Variants in EIF2AK1 observed in about 807,000 individuals in gnomAD.
EIF2AK1 encodes eukaryotic translation initiation factor 2-alpha kinase 1.
In EIF2AK1, 54 loss-of-function variants were observed where a neutral mutation model predicts 77.9. The ratio of observed to expected loss-of-function variants is 0.69; its 90% confidence interval spans 0.56 to 0.87. The LOEUF (loss-of-function observed/expected upper bound fraction) is 0.87, where lower values mean the gene tolerates loss of function less well. Among genes scored for constraint, EIF2AK1 ranks in the 40% least tolerant of loss-of-function variants. EIF2AK1 has a pLI of 0.00. For synonymous variants in EIF2AK1, 314 were observed against 290.5 expected (o/e 1.08, Z -0.82); for missense variants, 810 against 768.6 (o/e 1.05, Z -0.64).
chr7:6,043,394 T>C (rs1788350895), intron 7 of EIF2AK1, among the ~76,000 whole-genome samples: 3 of 151,986 alleles, frequency 2.0e-5, no homozygotes, highest in African/African-American at 4.8e-5. Flanking sequence ...ATGCACAATA[T>C]AGTGAGATTC....
rs770358433 is a variant in EIF2AK1, at chr7:6,046,132, C to A, written c.569G>T (p.Gly190Val). 6.4e-7 allele frequency: 1 copy of A among 1,559,596 alleles called. No homozygotes were observed. The highest frequency in any genetic ancestry group is 8.7e-7 in the Non-Finnish European group (1 of 1,153,408). ...RVYKVRNKLD[G>V]QYYAIKKILI... The stretch of plus-strand genomic sequence containing the variant: ...GATTTTTTTTATTGCATAATACTGA[C>A]CATCTAATTTATTCCTGACCTGAAA... Residue 190 changes from glycine (G) to valine (V), a missense_variant, in exon 6 of 15, where the codon GGT becomes GTT. Transcript: ENST00000199389.
Position 6,040,923 on chromosome 7 carries a change from TC to T in EIF2AK1, c.1087del (p.Glu363LysfsTer16), listed in dbSNP as rs1405456254. ...CTGACCCAAAAAGTTGACATTTTCT[TC>T]GGAAGATTCTTCGGTGGATGTGAAA... ...ESFTSTEESSEENVNFLGQTE... is the reference protein window; with the variant it reads ...ESFTSTEESSXENVNFLGQTE... On this transcript the variant is annotated frameshift_variant, in exon 9 of 15. Coordinates refer to ENST00000199389, the MANE Select transcript of EIF2AK1 (RefSeq NM_014413.4). LOFTEE classifies it high-confidence loss of function. 1 of 1,613,942 alleles carries T rather than the reference TC, an allele frequency of 6.2e-7. No homozygotes were observed. The highest frequency in any genetic ancestry group is 8.5e-7 in the Non-Finnish European group (1 of 1,180,004).
chr7:6,041,502 G>A (rs544570528), intron 8 of EIF2AK1, among the ~76,000 whole-genome samples: 36 of 150,562 alleles, frequency 2.4e-4, no homozygotes, highest in African/African-American at 8.3e-4. Context: ...TCATGCCACT[G>A]TACTCCAGCC....
chr7:6,026,443 G>A (rs1016049737), intron 14 of EIF2AK1: 12 of 593,348 alleles, frequency 2.0e-5, no homozygotes, highest in South Asian at 4.6e-5. Flanking sequence ...ACCGGCCTTC[G>A]CTGTGGGGTT....
rs1331148396 is a variant in EIF2AK1 at position 6,037,292 on chromosome 7, T to C, written c.1332+132A>G. The C allele has an allele frequency of 1.1e-5, 7 of 656,646 alleles. No homozygotes were observed. In the East Asian group the frequency reaches 1.5e-4, roughly 14 times the overall value. 40.7% of individuals were successfully genotyped at this position (656,646 alleles called of 1,614,324 possible). ...TCTGGATCTATCGAACAATGACTTA[T>C]CTGACAGTAATTATAACCTCCTAAG... is the stretch of plus-strand genomic sequence containing the variant. On this transcript the variant is annotated intron_variant, in intron 11 of 14. Coordinates refer to ENST00000199389, the MANE Select transcript of EIF2AK1 (RefSeq NM_014413.4).
intron 2 of EIF2AK1, among the ~76,000 whole-genome samples, chr7:6,050,888 C>T (rs561698949): frequency 3.3e-5 from 5 of 152,218 alleles, no homozygotes; most frequent in Admixed American, 1.3e-4. Flanking sequence ...CAGGCATGAG[C>T]CACTGCACCC....
chr7:6,024,697 G>T lies in EIF2AK1; in HGVS notation c.1869C>A (p.Asp623Glu). 1 of 1,612,822 alleles carries T rather than the reference G, an allele frequency of 6.2e-7. No individual in the cohort carries two copies. The highest frequency in any genetic ancestry group is 1.1e-5 in the South Asian group (1 of 90,880). The stretch of plus-strand genomic sequence containing the variant: ...TTCATCCCACGCCCCCATCCTTTCC[G>T]TCATCCCTCACCCCTTTGTCTTGAG... ...LLSQDKGVRD[D>E]GKDGGVG The change falls in exon 15 of 15, where the codon GAC becomes GAA. Residue 623 changes from aspartate (D) to glutamate (E), a missense_variant. Coordinates refer to ENST00000199389, the MANE Select transcript of EIF2AK1 (RefSeq NM_014413.4).
chr7:6,024,344 CGAG>C lies in EIF2AK1; in HGVS notation c.*326_*328del. The C allele has an allele frequency of 2.5e-6, 3 of 1,221,690 alleles. No individual in the cohort carries two copies. Among genetic ancestry groups the C allele is most frequent in the Non-Finnish European group, 3.1e-6 (3 of 969,424 alleles). 75.7% of individuals were successfully genotyped at this position (1,221,690 alleles called of 1,614,324 possible). A position where few individuals can be genotyped will look rare whatever the true frequency, so the allele number is the denominator to read the frequency against. ...GTGCAGGCCCGGGCTTGGGCAGTGA[CGAG>C]GGCAGGGAGCACACATCAATTTCTG... is the stretch of plus-strand genomic sequence containing the variant. On this transcript the variant is annotated 3_prime_UTR_variant, in exon 15 of 15. Transcript: ENST00000199389.
rs1220045815 is a variant in EIF2AK1 at position 6,027,961 on chromosome 7, G to T, written c.1530+654C>A. On this transcript the variant is annotated intron_variant, in intron 13 of 14. Transcript: ENST00000199389. The surrounding 1 kb of genome is among the most constrained non-coding windows in gnomAD (Gnocchi z 4.5). ...TCTTGAAGTCACAGTTACATGGGAG[G>T]CTGAGGTGGGAGGATCACTTGAGCC... The T allele has an allele frequency of 2.2e-6, 1 of 454,102 alleles. No homozygotes were observed. Among genetic ancestry groups the T allele is most frequent in the Non-Finnish European group, 4.4e-6 (1 of 226,072 alleles). 28.1% of individuals were successfully genotyped at this position (454,102 alleles called of 1,614,324 possible).
chr7:6,035,881 G>A lies in EIF2AK1; in HGVS notation c.1332+1543C>T, dbSNP rs530109177. ...GTGTGCACTGCATCAAGCAAAGCAG[G>A]CCGACTCCTCGGGGCGGGGGTCAGC... is the stretch of plus-strand genomic sequence containing the variant. On this transcript the variant is annotated intron_variant, in intron 11 of 14. Transcript: ENST00000199389. This position sits in a 1 kb window ranked among gnomAD's most constrained non-coding sequence, Gnocchi z 5.5. The A allele has an allele frequency of 1.9e-5, 30 of 1,546,906 alleles. No individual in the cohort carries two copies. The African/African-American group carries it at 4.1e-4, about 21-fold the overall frequency.
rs1018113666 is a variant in EIF2AK1 at position 6,058,951 on chromosome 7, G to A, written c.118+15C>T. ...AGAGAGAGCAGAGCGGCGACGCCGC[G>A]ATCCGATCCCTCACCGTCATATTCG... is the stretch of plus-strand genomic sequence containing the variant. On this transcript the variant is annotated intron_variant, in intron 1 of 14. Transcript: ENST00000199389. The A allele has an allele frequency of 4.0e-6, 6 of 1,514,530 alleles. No homozygotes were observed. Among genetic ancestry groups the A allele is most frequent in the Admixed American group, 2.2e-5 (1 of 45,706 alleles). 93.8% of individuals were successfully genotyped at this position (1,514,530 alleles called of 1,614,324 possible). A position where few individuals can be genotyped will look rare whatever the true frequency, so the allele number is the denominator to read the frequency against.
intron 11 of EIF2AK1, among the ~76,000 whole-genome samples, chr7:6,034,244 T>G (rs1194982945): frequency 6.6e-6 from 1 of 151,992 alleles, no homozygotes; most frequent in Non-Finnish European, 1.5e-5. Flanking sequence ...GAGGCAGCAG[T>G]TGCAGTGAGC....
At chr7:6,050,608 T>A (rs1788582217) in intron 2 of EIF2AK1, among the ~76,000 whole-genome samples, 1 of 150,408 alleles carries the variant, frequency 6.6e-6, no homozygotes, top group African/African-American at 2.4e-5. Context: ...TTCTCTTTTT[T>A]TTTTTTTTTT....
rs530864270 is a variant in EIF2AK1 at position 6,044,235 on chromosome 7, C to T, written c.730+327G>A. 7.4e-4 allele frequency among the ~76,000 whole-genome samples: 112 copies of T among 152,034 alleles called. 1 individual carries two copies. Among genetic ancestry groups the T allele is most frequent in the African/African-American group, 2.5e-3 (102 of 41,480 alleles). On this transcript the variant is annotated intron_variant, in intron 7 of 14. Transcript: ENST00000199389. ...ATCTCAGCACTTTGGGAGGCCGAGGCGGGCGAATCACGAGGTCAGGAGATC... is the reference window on the plus strand; with the variant it reads ...ATCTCAGCACTTTGGGAGGCCGAGGTGGGCGAATCACGAGGTCAGGAGATC...
rs528304867 is a variant in EIF2AK1, at chr7:6,035,388, C to A, written c.1332+2036G>T. ...TGGCTTCTTAAGCATTAACTGTCCA[C>A]GTAGAGCCGTTCCCACTGTGAATTC... On this transcript the variant is annotated intron_variant, in intron 11 of 14. Transcript: ENST00000199389. The surrounding 1 kb of genome is among the most constrained non-coding windows in gnomAD (Gnocchi z 5.5). 6.8e-7 allele frequency: 1 copy of A among 1,464,658 alleles called. No homozygotes were observed. 90.7% of individuals were successfully genotyped at this position (1,464,658 alleles called of 1,614,324 possible).
chr7:6,051,438 A>AT (rs1441067503), intron 2 of EIF2AK1, among the ~76,000 whole-genome samples: 2 of 150,604 alleles, frequency 1.3e-5, no homozygotes, highest in Admixed American at 6.7e-5. Flanking sequence ...CGCCTGGCTA[A>AT]TTTTTTTTTG....
intron 2 of EIF2AK1, among the ~76,000 whole-genome samples, chr7:6,051,988 C>T (rs2128891614): frequency 6.6e-6 from 1 of 151,914 alleles, no homozygotes; most frequent in East Asian, 2.0e-4. Flanking sequence ...CTGGCTAACA[C>T]AGTGAAACTC....
At chr7:6,037,340 C>T (rs765221815) in intron 11 of EIF2AK1, 84 bp downstream of exon 11, 2 of 851,930 alleles carry the variant, frequency 2.3e-6, no homozygotes, top group South Asian at 1.5e-5. Context: ...GACATGTAAT[C>T]TTATTTAGTT....
At chr7:6,042,200 C>T (rs1267549848) in intron 8 of EIF2AK1, among the ~76,000 whole-genome samples, 1 of 151,924 alleles carries the variant, frequency 6.6e-6, no homozygotes, top group Non-Finnish European at 1.5e-5. Flanking sequence ...ACTGTAATCC[C>T]AGCACTTTGG....
Sources: gnomAD v4.1 joint callset for allele counts (sites outside exome capture counted in the v4.1 genomes callset) on GRCh38, gnomAD v4.1.1 for gene constraint, Gnocchi (gnomAD v3.1) non-coding constraint, MANE v1.5 for transcripts, NCBI Gene and HGNC (gene_info 2026-07-23, HGNC 2026-07-21) for gene names.